PGM1: variants seen among roughly 807,000 people sequenced by gnomAD.
The protein encoded by PGM1 is phosphoglucomutase-1.
In PGM1, 52 loss-of-function variants were observed where a neutral mutation model predicts 55.6. The ratio of observed to expected loss-of-function variants is 0.94; its 90% confidence interval spans 0.75 to 1.18. PGM1 has a LOEUF of 1.18. Among genes scored for constraint, PGM1 ranks in the 50% most tolerant of loss-of-function variants. The pLI is 0.00. For synonymous variants in PGM1, 287 were observed against 271.7 expected (o/e 1.06, Z -0.55); for missense variants, 724 against 729.3 (o/e 0.99, Z 0.08).
In PGM1 at chr1:63,593,564, G is replaced by C; in HGVS notation, c.76G>C (p.Val26Leu). ...KPGTSGLRKR[V>L]KVFQSSANYA... ...GGGCACGAGCGGGCTGCGGAAGCGG[G>C]TGAAGGTGTTCCAGAGCAGCGCCAA... The change falls in exon 1 of 11, where the codon GTG (valine) becomes CTG (leucine). Residue 26 changes from valine (V) to leucine (L), a missense_variant. By Grantham distance (32) the Val-to-Leu change is conservative. This residue lies in a region of PGM1 where 379 missense variants were observed against 357.5 expected (regional missense o/e 1.06). Coordinates refer to ENST00000371084, the MANE Select transcript of PGM1 (RefSeq NM_002633.3). 1 of 1,613,914 alleles carries C rather than the reference G, an allele frequency of 6.2e-7. No homozygotes were observed. The highest frequency in any genetic ancestry group is 2.2e-5 in the East Asian group (1 of 44,864).
At chr1:63,596,724 A>G (rs1260865910) in intron 1 of PGM1, among the ~76,000 whole-genome samples, 1 of 152,142 alleles carries the variant, frequency 6.6e-6, no homozygotes, top group Non-Finnish European at 1.5e-5. Flanking sequence ...CCACCTATTA[A>G]GTGCTCCTTT....
At chr1:63,634,730 C>T in intron 4 of PGM1, 99 bp from the exon 5 acceptor site, 6 of 952,072 alleles carry the variant, frequency 6.3e-6, no homozygotes, top group Non-Finnish European at 1.0e-5. Flanking sequence ...TCATGCCATT[C>T]TTCTCCCCAG....
chr1:63,635,265 GA>G (rs1263881792), intron 5 of PGM1, among the ~76,000 whole-genome samples: 2 of 152,170 alleles, frequency 1.3e-5, no homozygotes, highest in African/African-American at 4.8e-5. Flanking sequence ...ATTAGGTTCT[GA>G]TTATGATAGA....
At chr1:63,611,631 G>A (rs1017784486) in intron 1 of PGM1, among the ~76,000 whole-genome samples, 57 of 152,272 alleles carry the variant, frequency 3.7e-4, no homozygotes, top group South Asian at 4.1e-4. Context: ...TAGGCCGGGC[G>A]CAGTGGCTCT....
At chr1:63,641,316 G>C (rs1412958354) in intron 7 of PGM1, among the ~76,000 whole-genome samples, 1 of 152,142 alleles carries the variant, frequency 6.6e-6, no homozygotes, top group Non-Finnish European at 1.5e-5. Context: ...GAAAATTTTT[G>C]TGTAATATTT....
chr1:63,605,861 C>T (rs962148401), intron 1 of PGM1, among the ~76,000 whole-genome samples: 5 of 152,160 alleles, frequency 3.3e-5, no homozygotes, highest in Admixed American at 6.6e-5. Flanking sequence ...TGTGAGCCAC[C>T]GCACCTAGCC....
At chr1:63,636,093 C>T (rs1243415762) in intron 5 of PGM1, 141 bp from the exon 6 acceptor site, 2 of 836,080 alleles carry the variant, frequency 2.4e-6, no homozygotes, top group African/African-American at 1.7e-5. Flanking sequence ...GAAAATAAAA[C>T]CCAGTGTTAA....
Position 63,593,790 on chromosome 1 carries a change from G to C in PGM1, c.246+56G>C. On this transcript the variant is annotated intron_variant, in intron 1 of 10. Coordinates refer to ENST00000371084, the MANE Select transcript of PGM1 (RefSeq NM_002633.3). ...CACCCTGGCGCGTGTGCGACGTGCGGCCCGCGGCGCCCTCCCTCGCTCGGG... is the reference window on the plus strand; with the variant it reads ...CACCCTGGCGCGTGTGCGACGTGCGCCCCGCGGCGCCCTCCCTCGCTCGGG... 4.0e-6 allele frequency: 6 copies of C among 1,492,434 alleles called. No individual in the cohort carries two copies. The South Asian group carries it at 7.6e-5, about 19-fold the overall frequency. The allele number at this position is 1,492,434 out of a possible 1,614,324, so 92.4% of individuals were successfully genotyped here.
At chr1:63,620,812 A>G (rs1302439572) in intron 1 of PGM1, among the ~76,000 whole-genome samples, 1 of 152,114 alleles carries the variant, frequency 6.6e-6, no homozygotes, top group Non-Finnish European at 1.5e-5. Flanking sequence ...AATCCCCCAT[A>G]TGGTTTAAAT....
intron 10 of PGM1, among the ~76,000 whole-genome samples, chr1:63,656,994 AAAGGT>A (rs1475011485): frequency 1.3e-5 from 2 of 152,200 alleles, no homozygotes; most frequent in Non-Finnish European, 2.9e-5. Context: ...CCACAACAAA[AAAGGT>A]AAGTAGGTGA....
At chr1:63,640,112 T>G (rs562608892) in intron 7 of PGM1, among the ~76,000 whole-genome samples, 1 of 152,324 alleles carries the variant, frequency 6.6e-6, no homozygotes, top group Non-Finnish European at 1.5e-5. Flanking sequence ...GAGTGCCCAA[T>G]GAGCCTATGA....
At chr1:63,623,329 G>A (rs1648932911) in intron 1 of PGM1, 1 of 1,496,634 alleles carries the variant, frequency 6.7e-7, no homozygotes. Flanking sequence ...CATTGAGAGT[G>A]ATCGTCCATG....
Position 63,648,610 on chromosome 1 carries a change from T to C in PGM1, c.1238T>C (p.Leu413Pro), listed in dbSNP as rs1210977344. The C allele has an allele frequency of 6.2e-7, 1 of 1,614,084 alleles. No homozygotes were observed. ...CGCAAGCAGAGTGTGGAGGACATTC[T>C]CAAAGATCATTGGCAAAAGTATGGC... ...ATRKQSVEDI[L>P]KDHWQKYGRN... Residue 413 changes from leucine to proline, a missense_variant, in exon 8 of 11, where the codon CTC (leucine) becomes CCC (proline). Leu to Pro is a moderately conservative substitution (Grantham distance 98). Transcript: ENST00000371084.
At chr1:63,606,877 G>A (rs907183294) in intron 1 of PGM1, among the ~76,000 whole-genome samples, 1 of 152,184 alleles carries the variant, frequency 6.6e-6, no homozygotes, top group African/African-American at 2.4e-5. Context: ...ATTTTTGGAA[G>A]AGACCTTGGC....
At chr1:63,629,615 G>C (rs375017435) in intron 2 of PGM1, 28 bp downstream of exon 2, 164 of 1,606,412 alleles carry the variant, frequency 1.0e-4, no homozygotes, top group Non-Finnish European at 1.4e-4. Flanking sequence ...TTGAGGACAG[G>C]TAAGTTTACA....
chr1:63,647,294 A>ATATATATATATATG (rs1649681609), intron 7 of PGM1, among the ~76,000 whole-genome samples: 1 of 88,946 alleles, frequency 1.1e-5, no homozygotes, highest in Non-Finnish European at 2.2e-5. Flanking sequence ...ATATATATAT[A>ATATATATATATATG]TATATATATA....
intron 6 of PGM1, among the ~76,000 whole-genome samples, chr1:63,637,423 G>A (rs916750461): frequency 2.0e-5 from 3 of 152,200 alleles, no homozygotes; most frequent in African/African-American, 7.2e-5. Flanking sequence ...TTCTGTAGAG[G>A]GGAGATGGTT....
At chr1:63,617,087 T>G (rs1046899252) in intron 1 of PGM1, among the ~76,000 whole-genome samples, 9 of 152,076 alleles carry the variant, frequency 5.9e-5, no homozygotes, top group Non-Finnish European at 1.3e-4. Flanking sequence ...GTTTCAAAGG[T>G]GAGAAAATAG....
intron 1 of PGM1, among the ~76,000 whole-genome samples, chr1:63,610,023 GA>G (rs922578289): frequency 1.3e-5 from 2 of 152,232 alleles, no homozygotes; most frequent in African/African-American, 4.8e-5. Context: ...GGTTGGAAGT[GA>G]AGACTTTGAG....
Sources: allele counts gnomAD v4.1 joint callset (sites outside exome capture counted in the v4.1 genomes callset), GRCh38; gene constraint gnomAD v4.1.1; regional missense constraint gnomAD v4.1.1; transcripts MANE v1.5; gene names NCBI Gene and HGNC (gene_info 2026-07-23, HGNC 2026-07-21).